Variants in ARHGAP28 observed in about 807,000 individuals in gnomAD.
ARHGAP28 encodes the protein Rho GTPase activating protein 28.
In ARHGAP28, 56 loss-of-function variants were observed where a neutral mutation model predicts 90.7. The observed-to-expected ratio is 0.62, with a 90% CI of 0.50 to 0.77. ARHGAP28 has a LOEUF of 0.77. ARHGAP28 is among the 30% of genes least tolerant of loss of function. The pLI is 0.00. For synonymous variants in ARHGAP28, 308 were observed against 323.3 expected (o/e 0.95, Z 0.51); for missense variants, 869 against 900.9 (o/e 0.96, Z 0.45).
chr18:6,767,083 G>A (rs2056205497), intron 1 of ARHGAP28, among the ~76,000 whole-genome samples: 1 of 151,488 alleles, frequency 6.6e-6, no homozygotes, highest in Non-Finnish European at 1.5e-5. Flanking sequence ...GTTTTACTGG[G>A]GTTTTTTTAG....
At chr18:6,781,515 A>G (rs567008456) in intron 1 of ARHGAP28, among the ~76,000 whole-genome samples, 14 of 151,348 alleles carry the variant, frequency 9.3e-5, no homozygotes, top group African/African-American at 3.4e-4. Flanking sequence ...TGACCCCATC[A>G]CTCCCCAGCG....
chr18:6,859,495 G>A (rs969940805), intron 4 of ARHGAP28, among the ~76,000 whole-genome samples: 1 of 151,994 alleles, frequency 6.6e-6, no homozygotes, highest in African/African-American at 2.4e-5. Context: ...CCTCTTAACC[G>A]CAAATGAGCC....
At chr18:6,879,236 T>C (rs2057158203) in intron 10 of ARHGAP28, among the ~76,000 whole-genome samples, 1 of 152,204 alleles carries the variant, frequency 6.6e-6, no homozygotes, top group Non-Finnish European at 1.5e-5. Context: ...GGGGAATATA[T>C]TTTATGGAAA....
chr18:6,871,146 C>T (rs1031371469), intron 7 of ARHGAP28, among the ~76,000 whole-genome samples: 47 of 152,168 alleles, frequency 3.1e-4, no homozygotes, highest in African/African-American at 1.1e-3. Flanking sequence ...GGGATTTCAG[C>T]GGCCAGGCAT....
At chr18:6,784,087 A>G (rs1438499497) in intron 1 of ARHGAP28, among the ~76,000 whole-genome samples, 1 of 151,988 alleles carries the variant, frequency 6.6e-6, no homozygotes, top group East Asian at 1.9e-4. Context: ...TTTACTATCT[A>G]CTTTCTCCCG....
intron 1 of ARHGAP28, among the ~76,000 whole-genome samples, chr18:6,792,533 C>G (rs1171011409): frequency 6.6e-6 from 1 of 152,204 alleles, no homozygotes; most frequent in East Asian, 1.9e-4. Flanking sequence ...ATTCCTGGCC[C>G]TGCCAATTAA....
intron 1 of ARHGAP28, among the ~76,000 whole-genome samples, chr18:6,794,710 C>A (rs1204571508): frequency 6.6e-6 from 1 of 151,982 alleles, no homozygotes; most frequent in East Asian, 1.9e-4. Context: ...TGGTCAGGGT[C>A]TTGCTCTGTT....
At chr18:6,788,844 G>A (rs2056385835) in intron 1 of ARHGAP28, 1 of 152,172 alleles carries the variant, frequency 6.6e-6, no homozygotes, top group Non-Finnish European at 1.5e-5. Context: ...CCAAGATACA[G>A]TACTTGCCCA....
chr18:6,733,899 A>G (rs897916697), intron 1 of ARHGAP28, among the ~76,000 whole-genome samples: 1 of 152,180 alleles, frequency 6.6e-6, no homozygotes, highest in African/African-American at 2.4e-5. Flanking sequence ...AGGAACACCA[A>G]TTACCTTCTG....
intron 1 of ARHGAP28, among the ~76,000 whole-genome samples, chr18:6,816,060 C>T (rs1465670789): frequency 6.6e-6 from 1 of 152,174 alleles, no homozygotes; most frequent in African/African-American, 2.4e-5. Flanking sequence ...TTTACCTGTT[C>T]ATGAAAGCTT....
intron 1 of ARHGAP28, among the ~76,000 whole-genome samples, chr18:6,755,187 A>G (rs1323488999): frequency 1.3e-5 from 2 of 152,154 alleles, no homozygotes; most frequent in Non-Finnish European, 2.9e-5. Flanking sequence ...CAAAAAAAGA[A>G]AGTAAATTTT....
intron 1 of ARHGAP28, among the ~76,000 whole-genome samples, chr18:6,758,393 G>T (rs12962078): frequency 6.6e-6 from 1 of 151,706 alleles, no homozygotes; most frequent in Non-Finnish European, 1.5e-5. Flanking sequence ...GCATGATCTC[G>T]GCTCACTGAA....
Position 6,767,084 on chromosome 18 carries a change from G to GT in ARHGAP28, c.122+37148dup, listed in dbSNP as rs572606209. Reference sequence around the variant, plus strand: ...TTTATATTACCTGAGTTTTACTGGGGTTTTTTTAGTATTTTATTTTATCTC... The same window carrying GT: ...TTTATATTACCTGAGTTTTACTGGGGTTTTTTTTAGTATTTTATTTTATCTC... On this transcript the variant is annotated intron_variant, in intron 1 of 17. Coordinates refer to ENST00000383472, the MANE Select transcript of ARHGAP28 (RefSeq NM_001366230.1). Among the ~76,000 whole-genome samples the GT allele has an allele frequency of 1.5e-3, 234 of 152,024 alleles. 2 individuals are homozygous for GT. The highest frequency in any genetic ancestry group is 5.4e-3 in the African/African-American group (222 of 41,450).
At chr18:6,906,428 C>A (rs1023433679) in intron 16 of ARHGAP28, among the ~76,000 whole-genome samples, 3 of 152,170 alleles carry the variant, frequency 2.0e-5, no homozygotes, top group Admixed American at 2.0e-4. Flanking sequence ...ACCCATTCTC[C>A]CTGCCTTTAG....
At chr18:6,807,810 T>C (rs2056529747) in intron 1 of ARHGAP28, among the ~76,000 whole-genome samples, 1 of 152,212 alleles carries the variant, frequency 6.6e-6, no homozygotes, top group Non-Finnish European at 1.5e-5. Context: ...ACCAGTATCC[T>C]GTTATGTGAG....
intron 2 of ARHGAP28, among the ~76,000 whole-genome samples, chr18:6,834,251 A>G (rs953431115): frequency 6.6e-6 from 1 of 152,124 alleles, no homozygotes; most frequent in Non-Finnish European, 1.5e-5. Flanking sequence ...ATATATTTGG[A>G]GGAGAAAATT....
At chr18:6,882,355 A>C in intron 11 of ARHGAP28, 56 bp downstream of exon 11, 1 of 1,507,574 alleles carries the variant, frequency 6.6e-7, no homozygotes, top group African/African-American at 1.4e-5. Context: ...ATAAAGTGAG[A>C]GCAGAAGAGA....
chr18:6,808,476 G>T (rs2056534625), intron 1 of ARHGAP28, among the ~76,000 whole-genome samples: 1 of 151,308 alleles, frequency 6.6e-6, no homozygotes, highest in Non-Finnish European at 1.5e-5. Context: ...AATTTTCATT[G>T]GATTTTGGAA....
At chr18:6,866,408 G>A (rs1338405626) in intron 5 of ARHGAP28, among the ~76,000 whole-genome samples, 1 of 152,070 alleles carries the variant, frequency 6.6e-6, no homozygotes, top group South Asian at 2.1e-4. Flanking sequence ...TGAAATTTCT[G>A]CTTCCATCTC....
Sources: allele counts gnomAD v4.1 joint callset (sites outside exome capture counted in the v4.1 genomes callset), GRCh38; gene constraint gnomAD v4.1.1; transcripts MANE v1.5; gene names NCBI Gene and HGNC (gene_info 2026-07-23, HGNC 2026-07-21).